Variants in DOCK2 observed in about 807,000 individuals in gnomAD.
DOCK2 encodes the protein dedicator of cytokinesis 2.
DOCK2 carries 87 observed loss-of-function variants against 248.9 expected under a neutral mutation model. The ratio of observed to expected loss-of-function variants is 0.35; its 90% CI spans 0.29 to 0.42. The LOEUF (loss-of-function observed/expected upper bound fraction) is 0.42, where lower values mean the gene tolerates loss of function less well. Ranked by LOEUF, DOCK2 falls within the 10% of genes least tolerant of loss-of-function variation. The probability of loss-of-function intolerance (pLI) is 1.00; values close to 1 mark genes in which losing one functional copy is unlikely to be tolerated. For missense variants in DOCK2, 1,747 were observed against 2,300.2 expected (o/e 0.76, Z 4.92); for synonymous variants, 805 against 821.6 (o/e 0.98, Z 0.35).
At chr5:169,894,873 A>G (rs757524745) in intron 27 of DOCK2, among the ~76,000 whole-genome samples, 1 of 152,216 alleles carries the variant, frequency 6.6e-6, no homozygotes, top group Non-Finnish European at 1.5e-5. Flanking sequence ...ATTAAAAGGC[A>G]GAAGTAATAA....
Position 169,637,319 on chromosome 5 carries a change from G to A in DOCK2, c.-8G>A. On this transcript the variant is annotated 5_prime_UTR_variant, in exon 1 of 52. Transcript: ENST00000520908. ...CCCCACGGGAGGACGCGAGGCCCCG[G>A]CCCAGCCATGGCCCCCTGGCGCAAA... is the stretch of plus-strand genomic sequence containing the variant. 2.1e-6 allele frequency: 3 copies of A among 1,425,932 alleles called. No homozygotes were observed. The highest frequency in any genetic ancestry group is 2.7e-6 in the Non-Finnish European group (3 of 1,092,080). The allele number at this position is 1,425,932 out of a possible 1,614,324, so 88.3% of individuals were successfully genotyped here.
At chr5:169,690,305 G>T (rs2113403705) in intron 9 of DOCK2, among the ~76,000 whole-genome samples, 1 of 152,210 alleles carries the variant, frequency 6.6e-6, no homozygotes, top group East Asian at 1.9e-4. Context: ...GCCTGTATTA[G>T]CTAGGGAAAT....
At chr5:169,719,054 A>C (rs1056458317) in intron 22 of DOCK2, among the ~76,000 whole-genome samples, 5 of 152,198 alleles carry the variant, frequency 3.3e-5, no homozygotes, top group African/African-American at 1.2e-4. Flanking sequence ...GTTTCATCTA[A>C]CATTCTTCAT....
At chr5:170,056,927 A>C in intron 43 of DOCK2, 159 bp downstream of exon 43, 1 of 645,344 alleles carries the variant, frequency 1.5e-6, no homozygotes, top group East Asian at 2.8e-5. Context: ...AATCTCTTCC[A>C]TTAGGGCCTG....
chr5:170,025,949 C>T (rs1191621277), intron 33 of DOCK2, among the ~76,000 whole-genome samples: 1 of 151,968 alleles, frequency 6.6e-6, no homozygotes, highest in Non-Finnish European at 1.5e-5. Context: ...CAGCTTTGCT[C>T]ACACCGTTTC....
At chr5:169,918,434 G>T (rs191267405) in intron 27 of DOCK2, among the ~76,000 whole-genome samples, 6 of 152,280 alleles carry the variant, frequency 3.9e-5, no homozygotes, top group African/African-American at 1.4e-4. Flanking sequence ...GAAACCACAT[G>T]CATGCACACT....
Position 170,018,993 on chromosome 5 carries a change from T to C in DOCK2, c.3266T>C (p.Val1089Ala). The C allele has an allele frequency of 6.2e-7, 1 of 1,614,072 alleles. No homozygotes were observed. Among genetic ancestry groups the C allele is most frequent in the Non-Finnish European group, 8.5e-7 (1 of 1,179,942 alleles). ...QNKICFIPGM[V>A]GPILEMTLIP... ...AAAATCTGCTTCATCCCAGGCATGG[T>C]AGGACCTATATTAGAGATGACACTT... is the stretch of plus-strand genomic sequence containing the variant. The change falls in exon 33 of 52, where the codon GTA (valine) becomes GCA (alanine). Residue 1089 changes from valine to alanine, a missense_variant. By Grantham distance (64) the Val-to-Ala change is moderately conservative. Around this residue, in one of 4 missense-constraint regions of DOCK2, gnomAD observed 858 missense variants for 1,183.5 expected, o/e 0.72. Transcript: ENST00000520908.
At chr5:169,934,462 G>A (rs932656051) in intron 27 of DOCK2, among the ~76,000 whole-genome samples, 1 of 152,178 alleles carries the variant, frequency 6.6e-6, no homozygotes, top group Non-Finnish European at 1.5e-5. Flanking sequence ...CACCACACTG[G>A]TTTTGTAGTA....
chr5:169,906,269 T>C (rs998677822), intron 27 of DOCK2, among the ~76,000 whole-genome samples: 4 of 152,124 alleles, frequency 2.6e-5, no homozygotes, highest in African/African-American at 4.8e-5. Context: ...TTTCCTCATA[T>C]GTAAAATGAG....
chr5:169,947,194 C>T (rs1776485139), intron 27 of DOCK2, among the ~76,000 whole-genome samples: 1 of 152,198 alleles, frequency 6.6e-6, no homozygotes, highest in Non-Finnish European at 1.5e-5. Flanking sequence ...GATATGAACT[C>T]AAGCAGTCTG....
intron 27 of DOCK2, among the ~76,000 whole-genome samples, chr5:169,876,479 C>G (rs536356608): frequency 7.9e-5 from 12 of 152,280 alleles, no homozygotes; most frequent in African/African-American, 2.6e-4. Context: ...TTTGTGGTTC[C>G]CCACAGTCAA....
intron 41 of DOCK2, among the ~76,000 whole-genome samples, chr5:170,051,341 C>T (rs1390848799): frequency 6.6e-6 from 1 of 152,220 alleles, no homozygotes; most frequent in African/African-American, 2.4e-5. Flanking sequence ...CCTTCCCTTT[C>T]TCACATCCCT....
chr5:169,684,398 G>A, intron 8 of DOCK2, 48 bp downstream of exon 8: 1 of 1,581,720 alleles, frequency 6.3e-7, no homozygotes, highest in Non-Finnish European at 8.6e-7. Flanking sequence ...GGGAAGCAGT[G>A]CACAGAGCAT....
intron 27 of DOCK2, among the ~76,000 whole-genome samples, chr5:169,863,755 C>A (rs1036341674): frequency 2.6e-5 from 4 of 152,204 alleles, no homozygotes; most frequent in Non-Finnish European, 5.9e-5. Flanking sequence ...ATTTTATGCC[C>A]TGCCCACTTC....
At chr5:169,702,564 C>T in intron 14 of DOCK2, 137 bp downstream of exon 14, 2 of 1,338,880 alleles carry the variant, frequency 1.5e-6, no homozygotes, top group Non-Finnish European at 1.0e-6. Flanking sequence ...ATGTGTTCAA[C>T]ACCTTTTGAG....
Position 169,699,427 on chromosome 5 carries a change from C to G in DOCK2, c.1101C>G (p.Val367=). ...TCCTACACAGCCTGCTGGGCAAAGT[C>G]ATAGCCTCCAAGGGGGACAGTGGAG... ...NDFLHSLLGK[V]IASKGDSGGQ... The change falls in exon 12 of 52, where the codon GTC becomes GTG. Residue 367 remains valine, a synonymous_variant. Transcript: ENST00000520908. The G allele has an allele frequency of 6.2e-7, 1 of 1,613,488 alleles. No individual in the cohort carries two copies. The highest frequency in any genetic ancestry group is 1.1e-5 in the South Asian group (1 of 90,988).
At chr5:169,666,428 T>A (rs1305069078) in intron 2 of DOCK2, among the ~76,000 whole-genome samples, 1 of 152,142 alleles carries the variant, frequency 6.6e-6, no homozygotes, top group East Asian at 1.9e-4. Context: ...AAAAAAGCCC[T>A]TGTTATTGTT....
intron 27 of DOCK2, chr5:169,882,780 A>C: frequency 6.4e-7 from 1 of 1,551,474 alleles, no homozygotes; most frequent in South Asian, 1.2e-5. Context: ...TACTTCCTGG[A>C]CAATTTGGAA....
At chr5:169,885,696 C>T (rs1772931226) in intron 27 of DOCK2, among the ~76,000 whole-genome samples, 1 of 152,170 alleles carries the variant, frequency 6.6e-6, no homozygotes, top group Admixed American at 6.5e-5. Flanking sequence ...GTGACAGATG[C>T]TGTTCTAAGC....
Sources: gnomAD v4.1 joint callset for allele counts (sites outside exome capture counted in the v4.1 genomes callset) on GRCh38, gnomAD v4.1.1 for gene constraint, gnomAD v4.1.1 regional missense constraint, MANE v1.5 for transcripts, NCBI Gene and HGNC (gene_info 2026-07-23, HGNC 2026-07-21) for gene names.